The following GPC5 variants were observed in gnomAD, a reference collection of about 807,000 sequenced individuals.
The protein encoded by GPC5 is glypican-5.
In GPC5, 47 loss-of-function variants were observed where a neutral mutation model predicts 53.9. The ratio of observed to expected loss-of-function variants is 0.87; its 90% CI spans 0.69 to 1.11. GPC5 has a LOEUF of 1.11. Among genes scored for constraint, GPC5 ranks in the 50% most tolerant of loss-of-function variants. The pLI is 0.00. For missense variants in GPC5, 748 were observed against 713.1 expected (o/e 1.05, Z -0.56); for synonymous variants, 286 against 263.3 (o/e 1.09, Z -0.84).
At chr13:92,712,008 G>A (rs1888155611) in intron 7 of GPC5, among the ~76,000 whole-genome samples, 4 of 151,260 alleles carry the variant, frequency 2.6e-5, no homozygotes, top group Admixed American at 2.6e-4. Flanking sequence ...CCTGGAAAAA[G>A]AAGAGCCAAA....
chr13:92,556,102 G>A (rs777723510), intron 7 of GPC5, among the ~76,000 whole-genome samples: 97 of 151,570 alleles, frequency 6.4e-4, no homozygotes, highest in African/African-American at 2.3e-3. Context: ...ATTTATGTGG[G>A]GCAATAAATA....
chr13:91,491,337 A>G (rs679631), intron 2 of GPC5, among the ~76,000 whole-genome samples: 66,853 of 152,034 alleles, frequency 0.44, 15,793 homozygotes, highest in Non-Finnish European at 0.53. Context: ...TCATTGCTTT[A>G]TAAGAATCTT....
intron 7 of GPC5, among the ~76,000 whole-genome samples, chr13:92,438,379 AATAAATATAT>A (rs72345074): frequency 0.26 from 25,276 of 98,396 alleles, 2,466 homozygotes; most frequent in East Asian, 0.51. Context: ...TTTAAAGCAA[AATAAATATAT>A]ATATATATAT....
chr13:92,498,011 A>C (rs1365004697), intron 7 of GPC5, among the ~76,000 whole-genome samples: 3 of 152,066 alleles, frequency 2.0e-5, no homozygotes. Flanking sequence ...GGGGTTTTCT[A>C]AATATAAAAT....
chr13:92,491,884 T>C (rs1205173665), intron 7 of GPC5, among the ~76,000 whole-genome samples: 1 of 152,174 alleles, frequency 6.6e-6, no homozygotes, highest in African/African-American at 2.4e-5. Context: ...TCTTCTCTGT[T>C]GGTTCAAAGG....
At chr13:92,070,747 A>T (rs372881128) in intron 6 of GPC5, among the ~76,000 whole-genome samples, 114 of 152,262 alleles carry the variant, frequency 7.5e-4, no homozygotes, top group African/African-American at 2.7e-3. Flanking sequence ...CATTCTGTCA[A>T]ATACTTTTTC....
At chr13:92,756,213 G>A (rs928918325) in intron 7 of GPC5, among the ~76,000 whole-genome samples, 3 of 151,986 alleles carry the variant, frequency 2.0e-5, no homozygotes, top group African/African-American at 7.2e-5. Context: ...CATATAAACA[G>A]AGCCAAAGAC....
At chr13:92,712,464 C>CA (rs60974028) in intron 7 of GPC5, among the ~76,000 whole-genome samples, 5 of 149,026 alleles carry the variant, frequency 3.4e-5, no homozygotes, top group African/African-American at 1.2e-4. Flanking sequence ...AACAAACAAA[C>CA]AAAAAAAAAA....
intron 6 of GPC5, among the ~76,000 whole-genome samples, chr13:92,103,732 G>A (rs1007769290): frequency 5.3e-5 from 8 of 152,142 alleles, no homozygotes; most frequent in South Asian, 2.1e-4. Context: ...CTGAGTGTGT[G>A]TTGGGTCACA....
intron 7 of GPC5, among the ~76,000 whole-genome samples, chr13:92,273,772 G>T (rs571213418): frequency 2.0e-5 from 3 of 152,212 alleles, no homozygotes; most frequent in African/African-American, 4.8e-5. Context: ...TAAATCCAAG[G>T]TTCAGGGGAA....
chr13:92,622,964 A>G (rs1168379206), intron 7 of GPC5, among the ~76,000 whole-genome samples: 1 of 152,152 alleles, frequency 6.6e-6, no homozygotes, highest in Non-Finnish European at 1.5e-5. Context: ...AAAGGAATGA[A>G]ATGTTCAGGC....
At chr13:92,369,915 G>C (rs972962653) in intron 7 of GPC5, among the ~76,000 whole-genome samples, 1 of 152,184 alleles carries the variant, frequency 6.6e-6, no homozygotes, top group Non-Finnish European at 1.5e-5. Flanking sequence ...TCAACAAATA[G>C]TTAATAAACC....
At chr13:92,126,190 C>A (rs185809237) in intron 6 of GPC5, among the ~76,000 whole-genome samples, 45 of 151,696 alleles carry the variant, frequency 3.0e-4, no homozygotes, top group African/African-American at 1.0e-3. Flanking sequence ...CCTGACCTTG[C>A]GATCCACCCG....
At chr13:92,136,195 G>T (rs900781873) in intron 6 of GPC5, among the ~76,000 whole-genome samples, 1 of 152,036 alleles carries the variant, frequency 6.6e-6, no homozygotes, top group Non-Finnish European at 1.5e-5. Context: ...GATCATGATG[G>T]ATTTTGAATC....
At chr13:92,234,356 T>G (rs1390031017) in intron 7 of GPC5, among the ~76,000 whole-genome samples, 1 of 152,162 alleles carries the variant, frequency 6.6e-6, no homozygotes, top group Admixed American at 6.5e-5. Flanking sequence ...CCATTCTAAC[T>G]GGTGTGAGAT....
At chr13:92,235,218 G>T (rs922475830) in intron 7 of GPC5, among the ~76,000 whole-genome samples, 1 of 151,956 alleles carries the variant, frequency 6.6e-6, no homozygotes, top group Non-Finnish European at 1.5e-5. Flanking sequence ...ATCAAAAATT[G>T]TTGCCTTTTA....
intron 5 of GPC5, among the ~76,000 whole-genome samples, chr13:91,842,514 A>C (rs1393200110): frequency 6.7e-6 from 1 of 149,810 alleles, no homozygotes; most frequent in African/African-American, 2.5e-5. Context: ...CATCTTGGCT[A>C]ACACGGTGAA....
chr13:91,878,985 T>C (rs1016065119), intron 5 of GPC5, among the ~76,000 whole-genome samples: 5 of 152,164 alleles, frequency 3.3e-5, no homozygotes, highest in Non-Finnish European at 4.4e-5. Flanking sequence ...TCATATTGTC[T>C]CCTACAGAAG....
intron 7 of GPC5, among the ~76,000 whole-genome samples, chr13:92,416,678 A>G (rs1292590177): frequency 6.6e-6 from 1 of 152,218 alleles, no homozygotes. Flanking sequence ...CTTATTAGAT[A>G]TGACATCAAA....
Sources: gnomAD v4.1 joint callset for allele counts (sites outside exome capture counted in the v4.1 genomes callset) on GRCh38, gnomAD v4.1.1 for gene constraint, MANE v1.5 for transcripts, NCBI Gene and HGNC (gene_info 2026-07-23, HGNC 2026-07-21) for gene names.